Variants in TRIM32 observed in about 807,000 individuals in gnomAD.
The protein encoded by TRIM32 is tripartite motif containing 32.
In TRIM32, 19 loss-of-function variants were observed where a neutral mutation model predicts 36.0. The ratio of observed to expected loss-of-function variants is 0.53; its 90% CI spans 0.37 to 0.77. The LOEUF (loss-of-function observed/expected upper bound fraction) is 0.77, where lower values mean the gene tolerates loss of function less well. Among genes scored for constraint, TRIM32 ranks in the 30% least tolerant of loss-of-function variants. TRIM32 has a pLI of 0.00. For missense variants in TRIM32, 747 were observed against 845.2 expected (o/e 0.88, Z 1.44); for synonymous variants, 309 against 318.5 (o/e 0.97, Z 0.32).
chr9:116,698,473 C>A lies in TRIM32; in HGVS notation c.731C>A (p.Ala244Asp). 6.2e-7 allele frequency: 1 copy of A among 1,613,864 alleles called. No individual in the cohort carries two copies. Among genetic ancestry groups the A allele is most frequent in the Non-Finnish European group, 8.5e-7 (1 of 1,179,994 alleles). Residue 244 changes from alanine to aspartate, a missense_variant, in exon 2 of 2, where the codon GCC becomes GAC. Physicochemically the swap from Ala to Asp is moderately radical, Grantham distance 126. Transcript: ENST00000450136. The surrounding 1 kb of genome is among the most constrained non-coding windows in gnomAD (Gnocchi z 4.4). ...QAVSRCDYFL[A>D]KIKQADVALL... ...GTGTCTCGCTGTGACTACTTCCTGGCCAAGATCAAGCAGGCAGATGTAGCA... is the reference window on the plus strand; with the variant it reads ...GTGTCTCGCTGTGACTACTTCCTGGACAAGATCAAGCAGGCAGATGTAGCA...
chr9:116,698,890 G>T lies in TRIM32; in HGVS notation c.1148G>T (p.Gly383Val). 1 of 1,614,226 alleles carries T rather than the reference G, an allele frequency of 6.2e-7. No homozygotes were observed. Among genetic ancestry groups the T allele is most frequent in the Non-Finnish European group, 8.5e-7 (1 of 1,180,046 alleles). The stretch of plus-strand genomic sequence containing the variant: ...GTCAGTCTCTACGTGACCAGTCAAG[G>T]TGAAGTACTAGTCGCTGACCGTGGT... ...LPVSLYVTSQ[G>V]EVLVADRGNY... The change falls in exon 2 of 2, where the codon GGT becomes GTT. Residue 383 changes from glycine to valine, a missense_variant. Transcript: ENST00000450136. The surrounding 1 kb of genome is among the most constrained non-coding windows in gnomAD (Gnocchi z 4.4).
chr9:116,694,459 CTTT>C (rs56666915), intron 1 of TRIM32, among the ~76,000 whole-genome samples: 75 of 88,040 alleles, frequency 8.5e-4, no homozygotes, highest in African/African-American at 3.0e-3. Context: ...TGTAATTTCT[CTTT>C]TTTTTTTTTT....
In TRIM32 at chr9:116,699,217, AGCTTTGGT is replaced by A; in HGVS notation, c.1477_1484del (p.Leu493PhefsTer4). The A allele has an allele frequency of 6.2e-7, 1 of 1,614,220 alleles. No individual in the cohort carries two copies. Among genetic ancestry groups the A allele is most frequent in the East Asian group, 2.2e-5 (1 of 44,866 alleles). The stretch of plus-strand genomic sequence containing the variant: ...GTAGTAACCGATGTGGAAGGTGGAA[AGCTTTGGT>A]GTTTCACAGTTGATCGAGGATCAGG... On this transcript the variant is annotated frameshift_variant, in exon 2 of 2. Transcript: ENST00000450136. LOFTEE classifies it high-confidence loss of function. The surrounding 1 kb of genome is among the most constrained non-coding windows in gnomAD (Gnocchi z 4.2).
rs1320628240 is a variant in TRIM32, at chr9:116,698,127, C to T, written c.385C>T (p.Gln129Ter). 8 of 1,614,134 alleles carry T rather than the reference C, an allele frequency of 5.0e-6. No individual in the cohort carries two copies. Among genetic ancestry groups the T allele is most frequent in the Non-Finnish European group, 5.9e-6 (7 of 1,180,038 alleles). Residue 129 changes from glutamine (Q) to a stop codon, truncating the protein, a stop_gained, in exon 2 of 2, where the codon CAG (glutamine) becomes TAG (stop). Transcript: ENST00000450136. LOFTEE classifies it high-confidence loss of function. The surrounding 1 kb of genome is among the most constrained non-coding windows in gnomAD (Gnocchi z 4.4). Reference sequence around the variant, plus strand: ...TGAGCCCTGCCGGGAGGCAGACCATCAGCCTCCTGGCCACTGTACACTCCC... The same window carrying T: ...TGAGCCCTGCCGGGAGGCAGACCATTAGCCTCCTGGCCACTGTACACTCCC... ...LCEPCREADH[Q>*]PPGHCTLPVK...
intron 1 of TRIM32, among the ~76,000 whole-genome samples, chr9:116,697,036 C>G (rs1860896278): frequency 6.6e-6 from 1 of 150,694 alleles, no homozygotes; most frequent in Admixed American, 6.6e-5. Context: ...TCATTTCTTT[C>G]AAGACATATC....
chr9:116,695,609 C>G (rs932670961), intron 1 of TRIM32, among the ~76,000 whole-genome samples: 1 of 152,200 alleles, frequency 6.6e-6, no homozygotes, highest in African/African-American at 2.4e-5. Flanking sequence ...CCACTTCCTC[C>G]TTCTCCTGGG....
rs752329242 is a variant in TRIM32, at chr9:116,698,028, G to A, written c.286G>A (p.Gly96Arg). The A allele has an allele frequency of 1.9e-6, 3 of 1,614,046 alleles. No individual in the cohort carries two copies. The change falls in exon 2 of 2, where the codon GGG (glycine) becomes AGG (arginine). Residue 96 changes from glycine (G) to arginine (R), a missense_variant. By Grantham distance (125) the Gly-to-Arg change is moderately radical (BLOSUM62 -2). Transcript: ENST00000450136. The surrounding 1 kb of genome is among the most constrained non-coding windows in gnomAD (Gnocchi z 4.4). ...TACAGCTGGGCTCAGCGAGGCTGTG[G>A]GGCTGCTCATGTGTCGGTCCTGTGG... ...IDTAGLSEAV[G>R]LLMCRSCGRR...
intron 1 of TRIM32, among the ~76,000 whole-genome samples, chr9:116,688,084 A>G (rs1021032442): frequency 4.6e-5 from 7 of 151,338 alleles, no homozygotes; most frequent in African/African-American, 1.5e-4. Context: ...ATTGAGGGAG[A>G]GCAGAAATCT....
At chr9:116,693,261 C>T (rs1486738381) in intron 1 of TRIM32, among the ~76,000 whole-genome samples, 1 of 152,132 alleles carries the variant, frequency 6.6e-6, no homozygotes, top group African/African-American at 2.4e-5. Flanking sequence ...CAGGTTTAGA[C>T]AGGTTAAATA....
In TRIM32 at chr9:116,700,660, G is replaced by C. The variant is rs893126039; in HGVS notation, c.*956G>C. 2 of 166,878 alleles carry C rather than the reference G, an allele frequency of 1.2e-5. No homozygotes were observed. The highest frequency in any genetic ancestry group is 4.8e-5 in the African/African-American group (2 of 41,442). The allele number at this position is 166,878 out of a possible 1,614,324, so 10.3% of individuals were successfully genotyped here. On this transcript the variant is annotated 3_prime_UTR_variant, in exon 2 of 2. Coordinates refer to ENST00000450136, the MANE Select transcript of TRIM32 (RefSeq NM_012210.4). ...AGCAAAACTATTGGTTTGTTATTCT[G>C]TGTTTTCCTCAAGTCAGTACATACT... is the stretch of plus-strand genomic sequence containing the variant.
chr9:116,690,740 C>T (rs577667095), intron 1 of TRIM32, among the ~76,000 whole-genome samples: 1 of 152,130 alleles, frequency 6.6e-6, no homozygotes, highest in Admixed American at 6.5e-5. Context: ...AGACCTTGGA[C>T]AGGCTACTTT....
At chr9:116,697,621 T>TAGTC in intron 1 of TRIM32, 41 bp from the exon 2 acceptor site, 1 of 1,245,310 alleles carries the variant, frequency 8.0e-7, no homozygotes, top group South Asian at 1.3e-5. Flanking sequence ...TTTATTTATA[T>TAGTC]AGTCAGAGGA....
At chr9:116,694,841 TC>T (rs1258722064) in intron 1 of TRIM32, among the ~76,000 whole-genome samples, 1 of 152,058 alleles carries the variant, frequency 6.6e-6, no homozygotes, top group African/African-American at 2.4e-5. Context: ...AATTTACCAT[TC>T]ATAGTTTCAG....
chr9:116,697,974 G>A lies in TRIM32; in HGVS notation c.232G>A (p.Asp78Asn), dbSNP rs1252982308. 1.9e-6 allele frequency: 3 copies of A among 1,614,218 alleles called. No individual in the cohort carries two copies. Among genetic ancestry groups the A allele is most frequent in the Non-Finnish European group, 2.5e-6 (3 of 1,180,050 alleles). Residue 78 changes from aspartate (D) to asparagine (N), a missense_variant, in exon 2 of 2, where the codon GAC becomes AAC. Coordinates refer to ENST00000450136, the MANE Select transcript of TRIM32 (RefSeq NM_012210.4). ...TRITSLTQLT[D>N]NLTVLKIIDT... ...CATAACCAGCTTGACCCAGCTGACAGACAATCTGACAGTGCTAAAGATCAT... is the reference window on the plus strand; with the variant it reads ...CATAACCAGCTTGACCCAGCTGACAAACAATCTGACAGTGCTAAAGATCAT...
At chr9:116,694,251 T>A (rs1461759075) in intron 1 of TRIM32, among the ~76,000 whole-genome samples, 1 of 152,296 alleles carries the variant, frequency 6.6e-6, no homozygotes, top group East Asian at 1.9e-4. Flanking sequence ...AATTTGCTGC[T>A]ATTTTTACAA....
At chr9:116,691,962 G>A (rs943347840) in intron 1 of TRIM32, among the ~76,000 whole-genome samples, 1 of 152,190 alleles carries the variant, frequency 6.6e-6, no homozygotes, top group Non-Finnish European at 1.5e-5. Context: ...GAAAGGAAAT[G>A]CAATATTTTA....
At chr9:116,688,318 C>T (rs1860379782) in intron 1 of TRIM32, among the ~76,000 whole-genome samples, 1 of 151,982 alleles carries the variant, frequency 6.6e-6, no homozygotes, top group African/African-American at 2.4e-5. Context: ...CCTAACTGGG[C>T]TATAAAATCA....
At chr9:116,693,478 A>C (rs1860677401) in intron 1 of TRIM32, among the ~76,000 whole-genome samples, 1 of 152,244 alleles carries the variant, frequency 6.6e-6, no homozygotes. Context: ...GGGCAGCCAG[A>C]GTAGACACAG....
At chr9:116,696,516 C>G (rs1456031874) in intron 1 of TRIM32, among the ~76,000 whole-genome samples, 1 of 152,108 alleles carries the variant, frequency 6.6e-6, no homozygotes, top group African/African-American at 2.4e-5. Flanking sequence ...GTGCCTTTTG[C>G]CCACTTCTTT....
Sources: allele counts gnomAD v4.1 joint callset (sites outside exome capture counted in the v4.1 genomes callset), GRCh38; gene constraint gnomAD v4.1.1; non-coding constraint Gnocchi (gnomAD v3.1); transcripts MANE v1.5; gene names NCBI Gene and HGNC (gene_info 2026-07-23, HGNC 2026-07-21).